MAGT1: variants seen among roughly 807,000 people sequenced by gnomAD.
The protein encoded by MAGT1 is dolichyl-diphosphooligosaccharide--protein glycosyltransferase subunit MAGT1.
A neutral mutation model predicts 28.4 loss-of-function variants in MAGT1; 4 were observed. The observed-to-expected ratio is 0.14, with a 90% confidence interval of 0.07 to 0.32. The LOEUF is 0.32. MAGT1 is among the 10% of genes least tolerant of loss of function. MAGT1 has a pLI of 1.00. For missense variants in MAGT1, 193 were observed against 264.5 expected (o/e 0.73, Z 1.88); for synonymous variants, 89 against 89.7 (o/e 0.99, Z 0.04).
At chrX:77,831,765 T>C (rs1569547786) in intron 8 of MAGT1, among the ~76,000 whole-genome samples, 1 of 110,380 alleles carries the variant, frequency 9.1e-6, no homozygotes, top group Non-Finnish European at 1.9e-5. Context: ...GCTAATTTTT[T>C]AATTTTTTTG....
chrX:77,843,769 T>G (rs2076942269), intron 7 of MAGT1, among the ~76,000 whole-genome samples: 1 of 112,065 alleles, frequency 8.9e-6, no homozygotes, highest in Admixed American at 9.6e-5. Flanking sequence ...TGTCCCATGT[T>G]GCTGTGCTGC....
At chrX:77,856,454 GAAT>G (rs2076981792) in intron 5 of MAGT1, 1 of 224,164 alleles carries the variant, frequency 4.5e-6, no homozygotes, top group Non-Finnish European at 8.1e-6. Context: ...AAAAAAAAAA[GAAT>G]AATATTTTCA....
At chrX:77,883,579 G>A (rs1261879428) in intron 1 of MAGT1, among the ~76,000 whole-genome samples, 5 of 71,540 alleles carry the variant, frequency 7.0e-5, no homozygotes, top group African/African-American at 2.9e-4. Context: ...TTTTTTTGGT[G>A]ACAGGGTCTC....
chrX:77,838,017 G>A (rs1191390775), intron 8 of MAGT1, among the ~76,000 whole-genome samples: 1 of 112,091 alleles, frequency 8.9e-6, no homozygotes, highest in Non-Finnish European at 1.9e-5. Flanking sequence ...GGGATTTACA[G>A]GTGTGAGTCA....
In MAGT1 at chrX:77,828,102, C is replaced by T. The variant is rs1557213088; in HGVS notation, c.*1118G>A. The stretch of plus-strand genomic sequence containing the variant: ...TTAAGCAAGTCTCGTGCCTCAGCCT[C>T]CCAAGTAGCTAGGATTATAGGCATG... On this transcript the variant is annotated 3_prime_UTR_variant, in exon 10 of 10. Transcript: ENST00000618282. 1 of 110,331 alleles carries T rather than the reference C, an allele frequency of 9.1e-6. No homozygotes were observed. The highest frequency in any genetic ancestry group is 3.3e-5 in the African/African-American group (1 of 30,380). The allele number at this position is 110,331 out of a possible 1,213,427, so 9.1% of individuals were successfully genotyped here. A position where few individuals can be genotyped will look rare whatever the true frequency, so the allele number is the denominator to read the frequency against.
chrX:77,832,822 C>CAAAAAAAAAAAAAAAAAAA (rs72197791), intron 8 of MAGT1, among the ~76,000 whole-genome samples: 1 of 32,351 alleles, frequency 3.1e-5, no homozygotes, highest in Non-Finnish European at 4.8e-5. Flanking sequence ...GCCTCTGTCT[C>CAAAAAAAAAAAAAAAAAAA]AAAAAAAAAA....
chrX:77,837,468 G>A (rs1308266447), intron 8 of MAGT1: 2 of 110,507 alleles, frequency 1.8e-5, no homozygotes, highest in Non-Finnish European at 3.8e-5. Flanking sequence ...TAGAGATTGA[G>A]TCTCGCTCTG....
chrX:77,884,880 C>T (rs2077062907), intron 1 of MAGT1, among the ~76,000 whole-genome samples: 1 of 107,420 alleles, frequency 9.3e-6, no homozygotes, highest in Non-Finnish European at 1.9e-5. Context: ...GTGAGGAGAT[C>T]GAGACCATGG....
rs2076888840 is a variant in MAGT1, at chrX:77,828,312, T to A, written c.*908A>T. On this transcript the variant is annotated 3_prime_UTR_variant, in exon 10 of 10. Transcript: ENST00000618282. Reference sequence around the variant, plus strand: ...CTGGTGTGGTAGCTCACACATGTCATCCTCGCACTTTGGGAGACTGAGGCG... The same window carrying A: ...CTGGTGTGGTAGCTCACACATGTCAACCTCGCACTTTGGGAGACTGAGGCG... 9.1e-6 allele frequency: 1 copy of A among 110,386 alleles called. No homozygotes were observed. Among genetic ancestry groups the A allele is most frequent in the Admixed American group, 9.8e-5 (1 of 10,254 alleles). 9.1% of individuals were successfully genotyped at this position (110,386 alleles called of 1,213,427 possible).
intron 3 of MAGT1, among the ~76,000 whole-genome samples, chrX:77,863,917 G>A (rs782192088): frequency 9.1e-6 from 1 of 110,420 alleles, no homozygotes; most frequent in East Asian, 2.9e-4. Context: ...CCAGCTACTC[G>A]AGACGCTGAG....
In MAGT1 at chrX:77,827,992, T is replaced by A. The variant is rs1557213073; in HGVS notation, c.*1228A>T. On this transcript the variant is annotated 3_prime_UTR_variant, in exon 10 of 10. Coordinates refer to ENST00000618282, the MANE Select transcript of MAGT1 (RefSeq NM_001367916.1). ...ATAATCCTGTATTTAGAGATACTTTTTTTTGAGACAGAGTCTCACTCTATC... is the reference window on the plus strand; with the variant it reads ...ATAATCCTGTATTTAGAGATACTTTATTTTGAGACAGAGTCTCACTCTATC... The A allele has an allele frequency of 9.0e-6, 1 of 110,805 alleles. No homozygotes were observed. The highest frequency in any genetic ancestry group is 3.3e-5 in the African/African-American group (1 of 30,559). The allele number at this position is 110,805 out of a possible 1,213,427, so 9.1% of individuals were successfully genotyped here.
intron 3 of MAGT1, among the ~76,000 whole-genome samples, chrX:77,870,591 ATG>A (rs2077018225): frequency 1.8e-5 from 2 of 111,448 alleles, no homozygotes; most frequent in Admixed American, 1.9e-4. Context: ...TACAATAAAA[ATG>A]TATGTTATTT....
At chrX:77,891,315 C>CTATCTATCT (rs1557219466) in intron 1 of MAGT1, among the ~76,000 whole-genome samples, 3 of 90,435 alleles carry the variant, frequency 3.3e-5, no homozygotes, top group Non-Finnish European at 6.5e-5. Context: ...TCAGTTCCCT[C>CTATCTATCT]ATCTATCTAT....
At chrX:77,889,697 T>A (rs1302411330) in intron 1 of MAGT1, among the ~76,000 whole-genome samples, 3 of 110,929 alleles carry the variant, frequency 2.7e-5, no homozygotes, top group African/African-American at 9.8e-5. Context: ...ATGAAGTACA[T>A]GAGATGTTTT....
At chrX:77,834,333 C>T (rs7057532) in intron 8 of MAGT1, among the ~76,000 whole-genome samples, 11 of 99,281 alleles carry the variant, frequency 1.1e-4, no homozygotes, top group African/African-American at 3.3e-4. Context: ...TATATATATA[C>T]ACACACACAC....
At chrX:77,830,971 T>G (rs1398003181) in intron 8 of MAGT1, 76 bp from the exon 9 acceptor site, 1 of 5,817 alleles carries the variant, frequency 1.7e-4, no homozygotes, top group Non-Finnish European at 1.2e-3. Flanking sequence ...TACTTTCTTT[T>G]TTTATTTTAT....
intron 7 of MAGT1, among the ~76,000 whole-genome samples, chrX:77,847,416 G>A (rs1343903286): frequency 1.8e-5 from 2 of 111,699 alleles, no homozygotes; most frequent in Non-Finnish European, 1.9e-5. Flanking sequence ...TTCGGTTCAC[G>A]CTCAGTGCGC....
Position 77,825,800 on chromosome X carries a change from A to G in MAGT1, c.*3420T>C, listed in dbSNP as rs1407532515. Among the ~76,000 whole-genome samples the G allele has an allele frequency of 2.7e-5, 3 of 112,934 alleles. No homozygotes were observed. The highest frequency in any genetic ancestry group is 9.6e-5 in the African/African-American group (3 of 31,150). ...TGCATAATAGAACAATAGAGCAGGA[A>G]GGACTACTAAGGTAATTTAGCCTAA... On this transcript the variant is annotated 3_prime_UTR_variant, in exon 10 of 10. Transcript: ENST00000618282.
intron 3 of MAGT1, chrX:77,868,743 C>A (rs1557217085): frequency 2.7e-5 from 7 of 258,628 alleles, no homozygotes; most frequent in Admixed American, 4.2e-5. Flanking sequence ...TTGCTTGAAC[C>A]CAAAAGGCAG....
Sources: allele counts gnomAD v4.1 joint callset (sites outside exome capture counted in the v4.1 genomes callset), GRCh38; gene constraint gnomAD v4.1.1; transcripts MANE v1.5; gene names NCBI Gene and HGNC (gene_info 2026-07-23, HGNC 2026-07-21).